Variants in EXD3 observed in about 807,000 individuals in gnomAD.
EXD3 encodes exonuclease 3'-5' domain containing 3.
In EXD3, 92 loss-of-function variants were observed where a neutral mutation model predicts 98.0. That is an observed-to-expected ratio of 0.94 (90% CI 0.79 to 1.12). The LOEUF (loss-of-function observed/expected upper bound fraction) is 1.12. EXD3 is among the 50% of genes most tolerant of loss of function. EXD3 has a pLI of 0.00. For synonymous variants in EXD3, 569 were observed against 526.0 expected (o/e 1.08, Z -1.12); for missense variants, 1,222 against 1,191.6 (o/e 1.03, Z -0.38).
At chr9:137,314,079 TC>T (rs1194037292) in intron 19 of EXD3, among the ~76,000 whole-genome samples, 4 of 152,072 alleles carry the variant, frequency 2.6e-5, no homozygotes, top group African/African-American at 9.6e-5. Flanking sequence ...CACTCTGACC[TC>T]CCCTAGAGCC....
Position 137,405,183 on chromosome 9 carries a change from G to A in EXD3, c.-47-9779C>T, listed in dbSNP as rs1350173664. Among the ~76,000 whole-genome samples the A allele has an allele frequency of 6.6e-6, 1 of 152,182 alleles. No homozygotes were observed. The highest frequency in any genetic ancestry group is 1.5e-5 in the Non-Finnish European group (1 of 68,032). On this transcript the variant is annotated intron_variant, in intron 1 of 21. Transcript: ENST00000340951. The surrounding 1 kb of genome is among the most constrained non-coding windows in gnomAD (Gnocchi z 4.1). The stretch of plus-strand genomic sequence containing the variant: ...CCCTACTTGGGAGCCCCGCACATCC[G>A]CACATCCCACCCTTGGACCTCCTAA...
At chr9:137,365,944 T>C (rs1016463330) in intron 7 of EXD3, 34 of 455,032 alleles carry the variant, frequency 7.5e-5, no homozygotes, top group Non-Finnish European at 1.4e-4. Flanking sequence ...CACACAAACG[T>C]GCACACACGC....
At chr9:137,355,192 G>A (rs903152638) in intron 8 of EXD3, among the ~76,000 whole-genome samples, 23 of 152,198 alleles carry the variant, frequency 1.5e-4, no homozygotes, top group Non-Finnish European at 2.4e-4. Flanking sequence ...GCACACGCAC[G>A]TCCACACCCT....
Position 137,324,007 on chromosome 9 carries a change from A to G in EXD3, c.2052+83T>C. ...TGGGGGTCGGCCCCACGGCAAGCTG[A>G]CCCTGAGGTGGGGGTGGCCGAGGGG... On this transcript the variant is annotated intron_variant, in intron 18 of 21. Transcript: ENST00000340951. The surrounding 1 kb of genome is among the most constrained non-coding windows in gnomAD (Gnocchi z 4.1). 7 of 1,536,302 alleles carry G rather than the reference A, an allele frequency of 4.6e-6. No homozygotes were observed. The South Asian group carries it at 7.2e-5, about 16-fold the overall frequency.
At position 137,366,614 on chromosome 9, in the gene EXD3, G is replaced by C; in HGVS notation, c.535C>G (p.Leu179Val). 1.3e-6 allele frequency: 2 copies of C among 1,557,912 alleles called. No homozygotes were observed. Among genetic ancestry groups the C allele is most frequent in the Non-Finnish European group, 1.7e-6 (2 of 1,151,994 alleles). The change falls in exon 7 of 22, where the codon CTC becomes GTC. Residue 179 changes from leucine (L) to valine (V), a missense_variant. Leu to Val is a conservative substitution (Grantham distance 32). Transcript: ENST00000340951. ...GVEKMSIPLL[L>V]QDKVALVERY... Reference sequence around the variant, plus strand: ...TCCACGAGGGCCACCTTGTCCTGGAGGAGCAGTGGGATGCTCATCTGCAGG... The same window carrying C: ...TCCACGAGGGCCACCTTGTCCTGGACGAGCAGTGGGATGCTCATCTGCAGG...
intron 4 of EXD3, 96 bp downstream of exon 4, chr9:137,373,330 C>G: frequency 7.1e-7 from 1 of 1,412,832 alleles, no homozygotes; most frequent in Non-Finnish European, 9.6e-7. Flanking sequence ...GCTTGCTGAG[C>G]GGGCTGCAAA....
chr9:137,419,333 T>C (rs1184843292), intron 1 of EXD3, among the ~76,000 whole-genome samples: 1 of 152,264 alleles, frequency 6.6e-6, no homozygotes, highest in African/African-American at 2.4e-5. Context: ...CTAAGTCTTT[T>C]GTCATCTGCA....
chr9:137,375,154 G>A (rs1370564321), intron 3 of EXD3, among the ~76,000 whole-genome samples: 5 of 152,156 alleles, frequency 3.3e-5, no homozygotes, highest in East Asian at 3.9e-4. Context: ...GACTATAGGC[G>A]CGCGCCACCA....
intron 10 of EXD3, chr9:137,353,373 A>C: frequency 1.0e-6 from 1 of 985,240 alleles, no homozygotes; most frequent in Non-Finnish European, 1.2e-6. Context: ...TTTCTGGAGC[A>C]CCTGCCCAGC....
intron 16 of EXD3, 137 bp from the exon 17 acceptor site, chr9:137,348,375 G>A: frequency 9.6e-7 from 1 of 1,044,924 alleles, no homozygotes; most frequent in Non-Finnish European, 1.3e-6. Flanking sequence ...TGTGTGCTGT[G>A]CATAAAACAG....
At chr9:137,354,466 G>A in intron 9 of EXD3, 89 bp from the exon 10 acceptor site, 2 of 1,587,948 alleles carry the variant, frequency 1.3e-6, no homozygotes, top group East Asian at 2.3e-5. Context: ...CCCCTGGCAG[G>A]GTACATCCTT....
intron 1 of EXD3, among the ~76,000 whole-genome samples, chr9:137,411,961 C>T (rs1479650434): frequency 1.3e-5 from 2 of 152,268 alleles, no homozygotes; most frequent in South Asian, 2.1e-4. Flanking sequence ...CGCCAGCAGG[C>T]GTGGCCAGGA....
chr9:137,344,981 G>A (rs912796892), intron 17 of EXD3, among the ~76,000 whole-genome samples: 7 of 146,060 alleles, frequency 4.8e-5, no homozygotes, highest in African/African-American at 1.5e-4. Flanking sequence ...TCAGCTGAAT[G>A]TCCAGGTCTT....
chr9:137,402,956 T>C (rs1188413366), intron 1 of EXD3, among the ~76,000 whole-genome samples: 3 of 152,018 alleles, frequency 2.0e-5, no homozygotes, highest in East Asian at 3.9e-4. Context: ...TTCACTACCA[T>C]GAGAACAGCA....
chr9:137,399,134 G>A (rs1160566662), intron 1 of EXD3, among the ~76,000 whole-genome samples: 2 of 152,240 alleles, frequency 1.3e-5, no homozygotes, highest in Non-Finnish European at 2.9e-5. Flanking sequence ...CGTGGCTGTG[G>A]GGCAGGGGTC....
chr9:137,375,693 C>CGTGAGTTCTAGCCCTA (rs1158258018), intron 3 of EXD3, among the ~76,000 whole-genome samples: 4 of 151,122 alleles, frequency 2.6e-5, no homozygotes, highest in African/African-American at 9.7e-5. Flanking sequence ...TTCTAGCTTT[C>CGTGAGTTCTAGCCCTA]GTGAGTTCTA....
chr9:137,403,151 CT>C lies in EXD3; in HGVS notation c.-47-7748del, dbSNP rs1837548021. On this transcript the variant is annotated intron_variant, in intron 1 of 21. Transcript: ENST00000340951. The surrounding 1 kb of genome is among the most constrained non-coding windows in gnomAD (Gnocchi z 6.1). ...CCTGCAGGATCCCCGGCGCTGACCC[CT>C]CTCCCCTCCATGGCAGTGTGGGGAC... 6.6e-6 allele frequency among the ~76,000 whole-genome samples: 1 copy of C among 151,978 alleles called. No individual in the cohort carries two copies. The highest frequency in any genetic ancestry group is 1.5e-5 in the Non-Finnish European group (1 of 68,000).
intron 17 of EXD3, among the ~76,000 whole-genome samples, chr9:137,345,551 A>G (rs1309762085): frequency 9.9e-5 from 15 of 151,714 alleles, no homozygotes. Context: ...GATCCCAGGT[A>G]CTCAGGAGGC....
chr9:137,316,705 G>A (rs1362158046), intron 19 of EXD3, among the ~76,000 whole-genome samples: 1 of 152,228 alleles, frequency 6.6e-6, no homozygotes, highest in Non-Finnish European at 1.5e-5. Context: ...GGGGCTGGGG[G>A]ACAACAGAGT....
Sources: allele counts gnomAD v4.1 joint callset (sites outside exome capture counted in the v4.1 genomes callset), GRCh38; gene constraint gnomAD v4.1.1; non-coding constraint Gnocchi (gnomAD v3.1); transcripts MANE v1.5; gene names NCBI Gene and HGNC (gene_info 2026-07-23, HGNC 2026-07-21).